The following COBLL1 variants were observed in gnomAD, a reference collection of about 807,000 sequenced individuals.
The protein encoded by COBLL1 is cordon-bleu WH2 repeat protein like 1.
In COBLL1, 50 loss-of-function variants were observed where a neutral mutation model predicts 94.8. The ratio of observed to expected loss-of-function variants is 0.53; its 90% CI spans 0.42 to 0.67. The LOEUF (loss-of-function observed/expected upper bound fraction) is 0.67. Ranked by LOEUF, COBLL1 falls within the 30% of genes least tolerant of loss-of-function variation. The pLI, the probability that COBLL1 is intolerant of heterozygous loss-of-function variation, is 0.00. For synonymous variants in COBLL1, 448 were observed against 473.8 expected, an observed-to-expected ratio of 0.95 and a Z score of 0.71; for missense variants, 1,362 against 1,348.7, an observed-to-expected ratio of 1.01 and a Z score of -0.15.
At chr2:164,793,859 A>G (rs1238648503) in intron 2 of COBLL1, among the ~76,000 whole-genome samples, 1 of 152,258 alleles carries the variant, frequency 6.6e-6, no homozygotes. Context: ...ACTGTGACGG[A>G]GTATGGAAAT....
chr2:164,769,794 C>A (rs355852), intron 2 of COBLL1, among the ~76,000 whole-genome samples: 35,499 of 152,046 alleles, frequency 0.23, 4,811 homozygotes, highest in African/African-American at 0.37. Flanking sequence ...CATATACCCC[C>A]CCCAGAGCAA....
In COBLL1 at chr2:164,797,498, G is replaced by T. The variant is rs189839843; in HGVS notation, c.41+43658C>A. 2.0e-4 allele frequency among the ~76,000 whole-genome samples: 31 copies of T among 152,136 alleles called. No homozygotes were observed. The East Asian group carries it at 6.0e-3, about 29-fold the overall frequency. On this transcript the variant is annotated intron_variant, in intron 2 of 13. Coordinates refer to ENST00000652658, the MANE Select transcript of COBLL1 (RefSeq NM_001365672.2). ...TAAGACAGAAAAAAAAACCCTTAGG[G>T]TTATTAAACAATATATCCACCATTT...
At chr2:164,687,527 G>A in intron 13 of COBLL1, 4 of 1,348,348 alleles carry the variant, frequency 3.0e-6, no homozygotes, top group Non-Finnish European at 4.2e-6. Context: ...ATGGTAACTT[G>A]GCCAATGTGA....
intron 2 of COBLL1, among the ~76,000 whole-genome samples, chr2:164,835,921 TA>T (rs1683298168): frequency 6.6e-6 from 1 of 152,158 alleles, no homozygotes; most frequent in Non-Finnish European, 1.5e-5. Context: ...ATGTTTTATA[TA>T]AAGTAAGAGT....
At chr2:164,676,676 G>A (rs1691341144), downstream of COBLL1, among the ~76,000 whole-genome samples, 1 of 148,146 alleles carries the variant, frequency 6.8e-6, no homozygotes, top group South Asian at 2.1e-4. Flanking sequence ...TCTTAACTCT[G>A]CTTTTTTTTT....
At chr2:164,818,787 T>TATATATATATATATAA (rs1559047162) in intron 2 of COBLL1, among the ~76,000 whole-genome samples, 2 of 145,344 alleles carry the variant, frequency 1.4e-5, no homozygotes, top group African/African-American at 5.5e-5. Flanking sequence ...TATATACATA[T>TATATATATATATATAA]AATTTTTTTT....
chr2:164,745,009 A>G (rs1686794636), intron 2 of COBLL1, among the ~76,000 whole-genome samples: 3 of 152,208 alleles, frequency 2.0e-5, no homozygotes, highest in Admixed American at 2.0e-4. Context: ...ACCTTTATAA[A>G]AGGCTAATTG....
rs73968274 is a variant in COBLL1, at chr2:164,816,380, A to C, written c.41+24776T>G. Among the ~76,000 whole-genome samples the C allele has an allele frequency of 3.6e-3, 546 of 152,176 alleles. 5 individuals are homozygous for C. Among genetic ancestry groups the C allele is most frequent in the African/African-American group, 0.013 (523 of 41,512 alleles). ...GATAAGGCCACAAAGGAAAGTTAGG[A>C]CCAGACACCCCGCATTCTCAATGCC... On this transcript the variant is annotated intron_variant, in intron 2 of 13. Transcript: ENST00000652658.
chr2:164,678,544 G>C (rs186412888), downstream of COBLL1, among the ~76,000 whole-genome samples: 1 of 152,024 alleles, frequency 6.6e-6, no homozygotes, highest in East Asian at 1.9e-4. Context: ...GGGTAGAAAA[G>C]GAATCCTTAA....
At chr2:164,659,260 C>G (rs1691032274) in intron 2 of COBLL1, among the ~76,000 whole-genome samples, 1 of 152,064 alleles carries the variant, frequency 6.6e-6, no homozygotes, top group South Asian at 2.1e-4. Context: ...TATCACTGAC[C>G]ACTGCATACC....
In COBLL1 at chr2:164,675,165, C is replaced by T. The variant is rs183129456; in HGVS notation, n.127-9264G>A. 2.5e-4 allele frequency among the ~76,000 whole-genome samples: 38 copies of T among 152,212 alleles called. No individual in the cohort carries two copies. In the East Asian group the frequency reaches 6.2e-3, roughly 25 times the overall value. On this transcript the variant is annotated intron_variant and non_coding_transcript_variant, in intron 1 of 2. Transcript: ENST00000495084. The stretch of plus-strand genomic sequence containing the variant: ...GAGACCAACAGCCAGTGTTTGTTGA[C>T]GATGAGCTCAGTTGTTCTTCACATT...
intron 2 of COBLL1, among the ~76,000 whole-genome samples, chr2:164,785,498 A>G (rs1334497182): frequency 6.6e-6 from 1 of 152,210 alleles, no homozygotes; most frequent in Non-Finnish European, 1.5e-5. Flanking sequence ...AAAGATTTAA[A>G]GAGTTCTGTT....
chr2:164,727,044 G>A, intron 5 of COBLL1: 2 of 838,460 alleles, frequency 2.4e-6, no homozygotes, highest in East Asian at 2.9e-5. Flanking sequence ...AAAATTAGAA[G>A]CTTAATTTCA....
At chr2:164,773,768 T>C in intron 2 of COBLL1, 1 of 1,295,494 alleles carries the variant, frequency 7.7e-7, no homozygotes, top group South Asian at 1.3e-5. Context: ...TTTTAGAGAA[T>C]GCTGAACCAA....
chr2:164,761,728 T>G (rs931608006), intron 2 of COBLL1, among the ~76,000 whole-genome samples: 1 of 152,210 alleles, frequency 6.6e-6, no homozygotes. Context: ...ATATAATTCA[T>G]GAAAAGATCA....
At chr2:164,778,144 A>G (rs1422433433) in intron 2 of COBLL1, among the ~76,000 whole-genome samples, 1 of 152,174 alleles carries the variant, frequency 6.6e-6, no homozygotes, top group East Asian at 1.9e-4. Flanking sequence ...AATCAGACAG[A>G]CTGATCAGGG....
In COBLL1 at chr2:164,743,822, T is replaced by A. The variant is rs1289361116; in HGVS notation, c.95A>T (p.Asp32Val). 5 of 1,612,748 alleles carry A rather than the reference T, an allele frequency of 3.1e-6. No individual in the cohort carries two copies. Among genetic ancestry groups the A allele is most frequent in the Non-Finnish European group, 4.2e-6 (5 of 1,179,178 alleles). ...PLPPAETKYT[D>V]VSSAADSVES... ...TACAGAATCAGCAGCTGAAGAGACA[T>A]CAGTATATTTGGTCTCAGCTGGAGG... The change falls in exon 3 of 14, where the codon GAT becomes GTT. Residue 32 changes from aspartate (D) to valine (V), a missense_variant. Coordinates refer to ENST00000652658, the MANE Select transcript of COBLL1 (RefSeq NM_001365672.2).
chr2:164,729,154 G>A (rs1685858951), intron 4 of COBLL1, among the ~76,000 whole-genome samples: 1 of 151,526 alleles, frequency 6.6e-6, no homozygotes. Flanking sequence ...AAGCAAGTAT[G>A]TTTTAATATT....
intron 2 of COBLL1, chr2:164,761,309 G>C (rs1461713833): frequency 6.6e-6 from 1 of 152,322 alleles, no homozygotes. Flanking sequence ...TCGGGAGGCT[G>C]AGGCAGGAGA....
Sources: allele counts gnomAD v4.1 joint callset (sites outside exome capture counted in the v4.1 genomes callset), GRCh38; gene constraint gnomAD v4.1.1; transcripts MANE v1.5; gene names NCBI Gene and HGNC (gene_info 2026-07-23, HGNC 2026-07-21).